Variants in SLC44A5 observed in about 807,000 individuals in gnomAD.
SLC44A5 encodes solute carrier family 44 member 5.
A neutral mutation model predicts 101.8 loss-of-function variants in SLC44A5; 57 were observed. The observed-to-expected ratio is 0.56, with a 90% CI of 0.45 to 0.70. The LOEUF (loss-of-function observed/expected upper bound fraction) is 0.70. Ranked by LOEUF, SLC44A5 falls within the 30% of genes least tolerant of loss-of-function variation. SLC44A5 has a pLI of 0.00. For synonymous variants in SLC44A5, 281 were observed against 290.9 expected, an observed-to-expected ratio of 0.97 and a Z score of 0.35; for missense variants, 737 against 853.1, an observed-to-expected ratio of 0.86 and a Z score of 1.70.
chr1:75,393,359 C>A (rs946408498), intron 3 of SLC44A5, among the ~76,000 whole-genome samples: 1 of 152,108 alleles, frequency 6.6e-6, no homozygotes, highest in Non-Finnish European at 1.5e-5. Context: ...TGTATACATA[C>A]ACATATGCCC....
At chr1:75,539,659 A>AATG (rs1338554247) in intron 2 of SLC44A5, among the ~76,000 whole-genome samples, 2 of 152,232 alleles carry the variant, frequency 1.3e-5, no homozygotes, top group Non-Finnish European at 2.9e-5. Context: ...AGCCTTGAGT[A>AATG]ATGGCTCAAG....
At chr1:75,645,410 C>A in the SLC44A5 span, among the ~76,000 whole-genome samples, 1 of 152,058 alleles carries the variant, frequency 6.6e-6, no homozygotes, top group Non-Finnish European at 1.5e-5. Context: ...TGTCTTTTGG[C>A]TGCATAAATG....
chr1:75,610,812 G>A (rs1193806787), intron 1 of SLC44A5, among the ~76,000 whole-genome samples: 3 of 151,974 alleles, frequency 2.0e-5, no homozygotes, highest in Non-Finnish European at 2.9e-5. Context: ...CTAGGGAGCT[G>A]ATGTAAAAAT....
At chr1:75,404,531 G>A (rs1436003166) in intron 2 of SLC44A5, among the ~76,000 whole-genome samples, 1 of 152,028 alleles carries the variant, frequency 6.6e-6, no homozygotes, top group Non-Finnish European at 1.5e-5. Context: ...GAAGAGAGTG[G>A]GAGCAAATAT....
intron 3 of SLC44A5, among the ~76,000 whole-genome samples, chr1:75,391,767 A>C (rs1661804906): frequency 6.6e-6 from 1 of 152,202 alleles, no homozygotes; most frequent in Admixed American, 6.5e-5. Context: ...AACTATAAGA[A>C]TACTAGAACA....
intron 2 of SLC44A5, among the ~76,000 whole-genome samples, chr1:75,430,647 G>A (rs1664564179): frequency 1.3e-5 from 2 of 152,176 alleles, no homozygotes; most frequent in South Asian, 4.1e-4. Flanking sequence ...ATGAAGGCCT[G>A]AATCTTGTTT....
chr1:75,340,232 G>C (rs1657772140), intron 3 of SLC44A5, among the ~76,000 whole-genome samples: 1 of 152,194 alleles, frequency 6.6e-6, no homozygotes, highest in African/African-American at 2.4e-5. Flanking sequence ...ACTGCATTAT[G>C]ATTGTGATAT....
chr1:75,717,063 AT>A, the SLC44A5 span, among the ~76,000 whole-genome samples: 3 of 152,040 alleles, frequency 2.0e-5, no homozygotes, highest in African/African-American at 7.2e-5. Context: ...AAAATAAAAT[AT>A]GGTACATATA....
the SLC44A5 span, among the ~76,000 whole-genome samples, chr1:75,625,260 T>C: frequency 6.6e-6 from 1 of 152,120 alleles, no homozygotes; most frequent in Non-Finnish European, 1.5e-5. Context: ...TTCCTTTTGG[T>C]TTATAAAGGG....
chr1:75,354,003 T>C, intron 3 of SLC44A5: 1 of 368,576 alleles, frequency 2.7e-6, no homozygotes, highest in Non-Finnish European at 5.3e-6. Context: ...GGCCTGCAAA[T>C]TAACACATGA....
intron 1 of SLC44A5, among the ~76,000 whole-genome samples, chr1:75,544,753 C>T (rs980981729): frequency 5.3e-5 from 8 of 152,178 alleles, no homozygotes; most frequent in African/African-American, 1.9e-4. Flanking sequence ...ATTTTTTTCT[C>T]TGATCCAGAT....
rs762112428 is a variant in SLC44A5, at chr1:75,396,575, T to C, written c.52+8A>G. The C allele has an allele frequency of 1.2e-6, 2 of 1,609,494 alleles. No homozygotes were observed. The highest frequency in any genetic ancestry group is 1.7e-6 in the Non-Finnish European group (2 of 1,176,304). On this transcript the variant is annotated splice_region_variant and intron_variant, in intron 3 of 23. Transcript: ENST00000370859. ...TTCTTAGCACTTAATACTCAGACTA[T>C]GACTTACCAAAGTCCTCTTCCTCAG... is the stretch of plus-strand genomic sequence containing the variant.
intron 2 of SLC44A5, among the ~76,000 whole-genome samples, chr1:75,498,723 GTAAAT>G (rs1275852569): frequency 2.6e-5 from 4 of 152,220 alleles, no homozygotes; most frequent in African/African-American, 9.6e-5. Flanking sequence ...CAGCAGGCAT[GTAAAT>G]TTTTCATGAA....
chr1:75,365,892 A>T (rs1186444295), intron 3 of SLC44A5, among the ~76,000 whole-genome samples: 1 of 152,194 alleles, frequency 6.6e-6, no homozygotes, highest in Non-Finnish European at 1.5e-5. Flanking sequence ...AACTTCAATT[A>T]CATATAAATC....
intron 4 of SLC44A5, among the ~76,000 whole-genome samples, chr1:75,328,264 A>G (rs1036023766): frequency 9.9e-5 from 15 of 152,254 alleles, no homozygotes; most frequent in Admixed American, 1.3e-4. Context: ...AAATCCATTT[A>G]GCAGCAAGAC....
At chr1:75,643,904 A>AT in the SLC44A5 span, among the ~76,000 whole-genome samples, 1 of 152,194 alleles carries the variant, frequency 6.6e-6, no homozygotes, top group South Asian at 2.1e-4. Context: ...ATACATGGTC[A>AT]TTTTTTCTAC....
chr1:75,585,753 A>T (rs1395444709), intron 1 of SLC44A5, among the ~76,000 whole-genome samples: 1 of 152,206 alleles, frequency 6.6e-6, no homozygotes, highest in Non-Finnish European at 1.5e-5. Context: ...TATATAATAC[A>T]TTTAAGAATT....
At chr1:75,610,903 T>C (rs1313102096) in intron 1 of SLC44A5, 137 bp downstream of exon 1, 1 of 184,506 alleles carries the variant, frequency 5.4e-6, no homozygotes, top group African/African-American at 2.4e-5. Context: ...AGTTCCTAAT[T>C]TATATTCAGA....
chr1:75,654,456 C>T, the SLC44A5 span, among the ~76,000 whole-genome samples: 1 of 152,144 alleles, frequency 6.6e-6, no homozygotes, highest in Non-Finnish European at 1.5e-5. Context: ...CCATCAAGCA[C>T]AACCCTGGAT....
Sources: gnomAD v4.1 joint callset for allele counts (sites outside exome capture counted in the v4.1 genomes callset) on GRCh38, gnomAD v4.1.1 for gene constraint, MANE v1.5 for transcripts, NCBI Gene and HGNC (gene_info 2026-07-23, HGNC 2026-07-21) for gene names.